NOMO1: variants seen among roughly 807,000 people sequenced by gnomAD.
The protein encoded by NOMO1 is nodal modulator 3.
A neutral mutation model predicts 133.8 loss-of-function variants in NOMO1; 40 were observed. That is an observed-to-expected ratio of 0.30 (90% CI 0.23 to 0.39). The LOEUF (loss-of-function observed/expected upper bound fraction) is 0.39, where lower values mean the gene tolerates loss of function less well. NOMO1 is among the 10% of genes least tolerant of loss of function. The pLI is 1.00. For missense variants in NOMO1, 462 were observed against 1,419.9 expected (o/e 0.33, Z 10.84); for synonymous variants, 236 against 570.5 (o/e 0.41, Z 8.36).
At chr16:14,859,594 C>G (rs1173242702) in intron 11 of NOMO1, among the ~76,000 whole-genome samples, 2 of 151,896 alleles carry the variant, frequency 1.3e-5, no homozygotes, top group African/African-American at 4.8e-5. Flanking sequence ...GTGGGCGGAT[C>G]GATTGAGCCC....
intron 4 of NOMO1, among the ~76,000 whole-genome samples, chr16:14,845,642 T>C (rs1226802118): frequency 6.6e-6 from 1 of 151,910 alleles, no homozygotes; most frequent in Non-Finnish European, 1.5e-5. Context: ...GCGGTTGAGA[T>C]GTGCTTCCTT....
chr16:14,842,681 A>G (rs1963623882), intron 3 of NOMO1, among the ~76,000 whole-genome samples: 1 of 151,928 alleles, frequency 6.6e-6, no homozygotes, highest in African/African-American at 2.4e-5. Flanking sequence ...GGTGCTCCTT[A>G]GCCATCCCGC....
chr16:14,882,494 G>T, intron 25 of NOMO1, 100 bp from the exon 26 acceptor site: 1 of 1,436,248 alleles, frequency 7.0e-7, no homozygotes, highest in African/African-American at 1.4e-5. Flanking sequence ...GGAGAGAAAT[G>T]CTCCTGTCTT....
At chr16:14,877,847 T>C (rs1964183714) in intron 22 of NOMO1, among the ~76,000 whole-genome samples, 1 of 146,520 alleles carries the variant, frequency 6.8e-6, no homozygotes, top group Non-Finnish European at 1.5e-5. Flanking sequence ...AGATAGTATC[T>C]TTCTGAATTT....
At chr16:14,885,931 C>A (rs1357330070) in intron 27 of NOMO1, among the ~76,000 whole-genome samples, 1 of 152,046 alleles carries the variant, frequency 6.6e-6, no homozygotes, top group East Asian at 1.9e-4. Flanking sequence ...TTCAATGCGA[C>A]CCATAACCTT....
At chr16:14,842,274 C>G (rs1241814785) in intron 3 of NOMO1, among the ~76,000 whole-genome samples, 4 of 151,106 alleles carry the variant, frequency 2.6e-5, no homozygotes, top group African/African-American at 7.3e-5. Context: ...CAGGCTTGCT[C>G]GTGCATTAGA....
At position 14,837,390 on chromosome 16, in the gene NOMO1, A is replaced by G. The variant is rs527871126; in HGVS notation, c.166-1017A>G. 6.6e-5 allele frequency among the ~76,000 whole-genome samples: 10 copies of G among 152,254 alleles called. No individual in the cohort carries two copies. In the East Asian group the frequency reaches 1.9e-3, roughly 29 times the overall value. ...TGTGAATCTGTACAACCACATGAAA[A>G]GGAGTGGCTCTGTGTCTACATCTGA... On this transcript the variant is annotated intron_variant, in intron 1 of 30. Coordinates refer to ENST00000287667, the MANE Select transcript of NOMO1 (RefSeq NM_014287.4).
chr16:14,866,072 T>C (rs1963990192), intron 14 of NOMO1, among the ~76,000 whole-genome samples: 1 of 148,344 alleles, frequency 6.7e-6, no homozygotes, highest in African/African-American at 2.5e-5. Context: ...TTTCTTTTTT[T>C]TTTGAAATTT....
At chr16:14,878,251 T>C (rs1964188376) in intron 22 of NOMO1, among the ~76,000 whole-genome samples, 1 of 130,552 alleles carries the variant, frequency 7.7e-6, no homozygotes, top group Non-Finnish European at 1.6e-5. Flanking sequence ...CCCAGCACTT[T>C]GGGAGGCCCA....
Position 14,846,678 on chromosome 16 carries a change from C to T in NOMO1, c.504C>T (p.Gly168=), listed in dbSNP as rs142422425. 1.6e-5 allele frequency: 19 copies of T among 1,216,458 alleles called. No individual in the cohort carries two copies. The highest frequency in any genetic ancestry group is 1.8e-5 in the Non-Finnish European group (15 of 855,892). 75.4% of individuals were successfully genotyped at this position (1,216,458 alleles called of 1,614,324 possible). A position where few individuals can be genotyped will look rare whatever the true frequency, so the allele number is the denominator to read the frequency against. ...AKIQSTVTQP[G]GKFAFFKVLP... ...TCCAGTCCACAGTTACACAGCCTGG[C>T]GGAAAGTGAGTAGCGTCCTGTCTCT... The change falls in exon 5 of 31, where the codon GGC becomes GGT. Residue 168 remains glycine (G), a synonymous_variant. Coordinates refer to ENST00000287667, the MANE Select transcript of NOMO1 (RefSeq NM_014287.4).
intron 28 of NOMO1, among the ~76,000 whole-genome samples, chr16:14,887,819 C>T (rs1597116460): frequency 6.6e-6 from 1 of 151,922 alleles, no homozygotes; most frequent in East Asian, 1.9e-4. Flanking sequence ...AATACAGTTT[C>T]CTCATGATGG....
chr16:14,886,846 T>G lies in NOMO1; in HGVS notation c.3308T>G (p.Leu1103Arg). ...GQSLFFHFPPLLRDGENYVVL... is the reference protein window; with the variant it reads ...GQSLFFHFPPRLRDGENYVVL... ...TCCCTGTTCTTCCATTTCCCCCCAC[T>G]GCTCAGAGACGGCGAGGTAATGCCT... The change falls in exon 28 of 31, where the codon CTG becomes CGG. Residue 1103 changes from leucine to arginine, a missense_variant. Transcript: ENST00000287667. 3 of 1,611,822 alleles carry G rather than the reference T, an allele frequency of 1.9e-6. No homozygotes were observed. The highest frequency in any genetic ancestry group is 2.2e-5 in the South Asian group (2 of 90,960).
At chr16:14,856,694 G>A (rs1283591709) in intron 9 of NOMO1, among the ~76,000 whole-genome samples, 5 of 152,004 alleles carry the variant, frequency 3.3e-5, no homozygotes, top group Admixed American at 2.0e-4. Context: ...TTACAGGCGT[G>A]AACCACTGCG....
At chr16:14,884,582 G>A (rs555729898) in intron 27 of NOMO1, 100 bp downstream of exon 27, 2 of 1,574,498 alleles carry the variant, frequency 1.3e-6, no homozygotes, top group African/African-American at 1.4e-5. Context: ...CGTGCCTTAG[G>A]TGTGACAGGT....
intron 29 of NOMO1, among the ~76,000 whole-genome samples, chr16:14,889,627 C>A: frequency 6.6e-6 from 1 of 151,860 alleles, no homozygotes; most frequent in East Asian, 1.9e-4. Flanking sequence ...TCGCAGGTTG[C>A]AGGGCAGATA....
intron 26 of NOMO1, among the ~76,000 whole-genome samples, chr16:14,882,998 A>C (rs1289061828): frequency 5.5e-4 from 84 of 152,156 alleles, no homozygotes; most frequent in South Asian, 1.9e-3. Context: ...ACAATAATAG[A>C]ACATGGGCTT....
intron 23 of NOMO1, among the ~76,000 whole-genome samples, 161 bp downstream of exon 23, chr16:14,878,995 C>T (rs1964203435): frequency 1.3e-5 from 2 of 151,958 alleles, no homozygotes; most frequent in African/African-American, 4.8e-5. Context: ...ATTGCTCTTA[C>T]TCGAACTTAA....
intron 27 of NOMO1, among the ~76,000 whole-genome samples, chr16:14,884,740 A>G (rs1457604826): frequency 6.6e-6 from 1 of 151,966 alleles, no homozygotes; most frequent in Non-Finnish European, 1.5e-5. Context: ...TTAATCTTCC[A>G]AAGAATTATA....
chr16:14,838,551 G>A, intron 2 of NOMO1, 55 bp downstream of exon 2: 1 of 1,611,756 alleles, frequency 6.2e-7, no homozygotes, highest in Non-Finnish European at 8.5e-7. Context: ...TGCCTCACCA[G>A]GCTGCATTAA....
Sources: allele counts gnomAD v4.1 joint callset (sites outside exome capture counted in the v4.1 genomes callset), GRCh38; gene constraint gnomAD v4.1.1; transcripts MANE v1.5; gene names NCBI Gene and HGNC (gene_info 2026-07-23, HGNC 2026-07-21).